PTPRT: variants seen among roughly 807,000 people sequenced by gnomAD.
PTPRT encodes the protein receptor-type tyrosine-protein phosphatase T.
In PTPRT, 56 loss-of-function variants were observed where a neutral mutation model predicts 176.8. That is an observed-to-expected ratio of 0.32 (90% CI 0.26 to 0.40). PTPRT has a LOEUF of 0.40. Among genes scored for constraint, PTPRT ranks in the 10% least tolerant of loss-of-function variants. The pLI, the probability that PTPRT is intolerant of heterozygous loss-of-function variation, is 1.00. For synonymous variants in PTPRT, 783 were observed against 739.0 expected (o/e 1.06, Z -0.96); for missense variants, 1,540 against 1,908.2 (o/e 0.81, Z 3.60).
downstream of PTPRT, among the ~76,000 whole-genome samples, chr20:42,069,830 T>C (rs60203927): frequency 0.035 from 5,297 of 152,302 alleles, 311 homozygotes; most frequent in African/African-American, 0.12. Context: ...GGAGAACTGA[T>C]GACCTCCTCA....
Position 42,352,104 on chromosome 20 carries a change from C to T in PTPRT, c.1742G>A (p.Arg581Gln), listed in dbSNP as rs199751250. Residue 581 changes from arginine (R) to glutamine (Q), a missense_variant, in exon 10 of 31, where the codon CGG (arginine) becomes CAG (glutamine). Coordinates refer to ENST00000373187, the MANE Select transcript of PTPRT (RefSeq NM_007050.6). Reference sequence around the variant, plus strand: ...GATACCTGAAATTTTGGTGGCAATCCGAGTGGTGACAGGGGGCCCAAAGCC... The same window carrying T: ...GATACCTGAAATTTTGGTGGCAATCTGAGTGGTGACAGGGGGCCCAAAGCC... Reference protein sequence around the residue: ...AKGFGPPVTTRIATKISAPSM... With the variant: ...AKGFGPPVTTQIATKISAPSM... 7.4e-6 allele frequency: 12 copies of T among 1,613,724 alleles called. No individual in the cohort carries two copies. Among genetic ancestry groups the T allele is most frequent in the East Asian group, 2.2e-5 (1 of 44,864 alleles).
At chr20:42,646,750 C>G (rs1225987537) in intron 7 of PTPRT, among the ~76,000 whole-genome samples, 3 of 151,850 alleles carry the variant, frequency 2.0e-5, no homozygotes, top group African/African-American at 7.3e-5. Context: ...TAAGGGGATA[C>G]TTAACCTGAC....
At chr20:43,027,016 T>C (rs796711693) in intron 1 of PTPRT, among the ~76,000 whole-genome samples, 2 of 152,346 alleles carry the variant, frequency 1.3e-5, no homozygotes, top group African/African-American at 4.8e-5. Context: ...CTATTGTGAA[T>C]AGTGCTTCAA....
intron 1 of PTPRT, among the ~76,000 whole-genome samples, chr20:42,889,975 G>T (rs1284075003): frequency 5.3e-5 from 8 of 152,106 alleles, no homozygotes; most frequent in Admixed American, 5.2e-4. Context: ...TATAATAAAA[G>T]CCAAATTGCT....
chr20:42,745,752 T>C (rs1469734502), intron 6 of PTPRT, among the ~76,000 whole-genome samples: 1 of 152,180 alleles, frequency 6.6e-6, no homozygotes, highest in Admixed American at 6.5e-5. Flanking sequence ...TTATGGAAAA[T>C]TAGCATAAGG....
At chr20:42,628,355 G>A (rs1041049176) in intron 7 of PTPRT, among the ~76,000 whole-genome samples, 12 of 152,048 alleles carry the variant, frequency 7.9e-5, no homozygotes, top group African/African-American at 2.9e-4. Flanking sequence ...TAGCGCTATT[G>A]CTCTATTCCA....
intron 7 of PTPRT, among the ~76,000 whole-genome samples, chr20:42,565,045 A>G (rs994339361): frequency 1.2e-4 from 18 of 152,130 alleles, no homozygotes; most frequent in Non-Finnish European, 2.2e-4. Flanking sequence ...CTGTAAATCA[A>G]GCTGCAATTA....
intron 7 of PTPRT, among the ~76,000 whole-genome samples, chr20:42,476,541 C>A (rs1253843650): frequency 6.6e-6 from 1 of 152,166 alleles, no homozygotes. Context: ...AAAATGTGCT[C>A]ATGTGTGTTA....
intron 1 of PTPRT, among the ~76,000 whole-genome samples, chr20:43,022,115 C>T (rs1985708083): frequency 6.6e-6 from 1 of 152,212 alleles, no homozygotes; most frequent in Non-Finnish European, 1.5e-5. Flanking sequence ...GGAAATGCAG[C>T]TTTGAAGCTA....
At chr20:42,392,784 G>A (rs550046908) in intron 9 of PTPRT, among the ~76,000 whole-genome samples, 1 of 152,322 alleles carries the variant, frequency 6.6e-6, no homozygotes, top group African/African-American at 2.4e-5. Context: ...AAAGGGCATG[G>A]GTGGTGCAGG....
chr20:42,053,104 G>T, the PTPRT span, among the ~76,000 whole-genome samples: 4 of 152,168 alleles, frequency 2.6e-5, no homozygotes, highest in Admixed American at 2.6e-4. Context: ...ACTGTAGTTT[G>T]CTAAAGGCTG....
intron 1 of PTPRT, among the ~76,000 whole-genome samples, chr20:43,138,560 T>G (rs2013906420): frequency 6.6e-6 from 1 of 152,140 alleles, no homozygotes; most frequent in African/African-American, 2.4e-5. Context: ...CGGGCACAGG[T>G]GGGCCCCTCC....
At chr20:42,240,148 T>C (rs2056324460) in intron 14 of PTPRT, among the ~76,000 whole-genome samples, 1 of 152,248 alleles carries the variant, frequency 6.6e-6, no homozygotes, top group African/African-American at 2.4e-5. Flanking sequence ...TTCTGAGTTA[T>C]CCTGGGTGTC....
intron 1 of PTPRT, among the ~76,000 whole-genome samples, chr20:42,944,140 G>A (rs763472143): frequency 6.6e-6 from 1 of 152,090 alleles, no homozygotes; most frequent in Non-Finnish European, 1.5e-5. Flanking sequence ...CACATTCCTG[G>A]GTCCACTATC....
intron 6 of PTPRT, among the ~76,000 whole-genome samples, chr20:42,705,765 T>C (rs1041323744): frequency 1.3e-5 from 2 of 152,156 alleles, no homozygotes; most frequent in Admixed American, 6.5e-5. Context: ...ATTTCTGTTA[T>C]GTCTACTCTT....
Position 42,448,309 on chromosome 20 carries a change from C to G in PTPRT, c.1471G>C (p.Glu491Gln). 1 of 1,613,022 alleles carries G rather than the reference C, an allele frequency of 6.2e-7. No homozygotes were observed. The highest frequency in any genetic ancestry group is 8.5e-7 in the Non-Finnish European group (1 of 1,179,104). The change falls in exon 9 of 31, where the codon GAA (glutamate) becomes CAA (glutamine). Residue 491 changes from glutamate to glutamine, a missense_variant. Glu to Gln is a conservative substitution (Grantham distance 29). Around this residue, in one of 11 missense-constraint regions of PTPRT, gnomAD observed 136 missense variants for 135.0 expected, o/e 1.01. Coordinates refer to ENST00000373187, the MANE Select transcript of PTPRT (RefSeq NM_007050.6). ...TCAAAGGGCCCCCCTTGGATGGATT[C>G]TAGAGGAACAGCTCCTGGAACTACA... ...EEDVPGAVPL[E>Q]SIQGGPFEEK...
chr20:42,797,577 T>C (rs1182812938), intron 2 of PTPRT, among the ~76,000 whole-genome samples: 2 of 138,932 alleles, frequency 1.4e-5, no homozygotes, highest in Non-Finnish European at 3.1e-5. Flanking sequence ...CACTTTGTGG[T>C]AGACAGAATA....
At chr20:42,051,655 G>A in the PTPRT span, among the ~76,000 whole-genome samples, 2 of 152,194 alleles carry the variant, frequency 1.3e-5, no homozygotes, top group Admixed American at 6.5e-5. Context: ...TGGGGAACAA[G>A]GGGGAGAGAG....
At chr20:42,478,916 A>C (rs1427498206) in intron 7 of PTPRT, among the ~76,000 whole-genome samples, 1 of 152,192 alleles carries the variant, frequency 6.6e-6, no homozygotes, top group Non-Finnish European at 1.5e-5. Flanking sequence ...TAAATGAATA[A>C]ATCTAGAAAG....
Sources: gnomAD v4.1 joint callset for allele counts (sites outside exome capture counted in the v4.1 genomes callset) on GRCh38, gnomAD v4.1.1 for gene constraint, gnomAD v4.1.1 regional missense constraint, MANE v1.5 for transcripts, NCBI Gene and HGNC (gene_info 2026-07-23, HGNC 2026-07-21) for gene names.